Variants in TGFBR3 observed in about 807,000 individuals in gnomAD.
TGFBR3 encodes transforming growth factor beta receptor type 3.
Under a neutral mutation model 87.9 loss-of-function variants are expected in TGFBR3, and 46 were observed. The ratio of observed to expected loss-of-function variants is 0.52; its 90% CI spans 0.41 to 0.67. The LOEUF (loss-of-function observed/expected upper bound fraction) is 0.67. Among genes scored for constraint, TGFBR3 ranks in the 30% least tolerant of loss-of-function variants. The pLI is 0.00. For missense variants in TGFBR3, 866 were observed against 1,041.9 expected (o/e 0.83, Z 2.32); for synonymous variants, 381 against 391.6 (o/e 0.97, Z 0.32).
intron 3 of TGFBR3, among the ~76,000 whole-genome samples, chr1:91,785,860 G>A (rs558597492): frequency 2.7e-4 from 41 of 151,318 alleles, no homozygotes; most frequent in Admixed American, 7.9e-4. Context: ...CTCAACCTTC[G>A]GGCTCAAGTG....
At chr1:91,708,543 A>G in intron 14 of TGFBR3, 120 bp downstream of exon 14, 4 of 1,520,636 alleles carry the variant, frequency 2.6e-6, no homozygotes, top group Non-Finnish European at 3.6e-6. Context: ...GGTCTTCTAA[A>G]GTAACTAACT....
At chr1:91,686,993 A>G (rs947967618) in intron 16 of TGFBR3, among the ~76,000 whole-genome samples, 1 of 152,160 alleles carries the variant, frequency 6.6e-6, no homozygotes, top group Non-Finnish European at 1.5e-5. Context: ...ATCAAACCAC[A>G]TTGAGGGAAC....
At chr1:91,898,852 G>A (rs1679616424) in intron 2 of TGFBR3, among the ~76,000 whole-genome samples, 1 of 152,172 alleles carries the variant, frequency 6.6e-6, no homozygotes, top group Middle Eastern at 3.2e-3. Flanking sequence ...ACCCATCTGT[G>A]TTGTGTATAT....
intron 3 of TGFBR3, among the ~76,000 whole-genome samples, chr1:91,767,948 C>T (rs1336594463): frequency 6.6e-6 from 1 of 151,646 alleles, no homozygotes; most frequent in Non-Finnish European, 1.5e-5. Flanking sequence ...TGCAGTGACT[C>T]ATGCCTGTAA....
chr1:91,797,953 C>T (rs2101006817), intron 2 of TGFBR3, among the ~76,000 whole-genome samples: 1 of 152,156 alleles, frequency 6.6e-6, no homozygotes, highest in East Asian at 1.9e-4. Context: ...CAAGATGTAA[C>T]ATGTAGAGGC....
intron 4 of TGFBR3, among the ~76,000 whole-genome samples, chr1:91,756,255 A>G (rs1673739775): frequency 6.6e-6 from 1 of 152,238 alleles, no homozygotes. Context: ...AGTATTGGAC[A>G]GTATAGCTCT....
chr1:91,712,641 G>A (rs904319167), intron 12 of TGFBR3, 99 bp from the exon 13 acceptor site: 16 of 1,062,274 alleles, frequency 1.5e-5, no homozygotes, highest in Middle Eastern at 2.8e-4. Context: ...CAGATGACAC[G>A]CTGCTTTATC....
intron 2 of TGFBR3, among the ~76,000 whole-genome samples, chr1:91,799,159 G>A (rs1209990380): frequency 6.6e-6 from 1 of 151,858 alleles, no homozygotes; most frequent in Non-Finnish European, 1.5e-5. Context: ...TTCAGAACCA[G>A]CCAGTCTGCA....
At chr1:91,829,196 T>C (rs1676760143) in intron 2 of TGFBR3, among the ~76,000 whole-genome samples, 1 of 151,874 alleles carries the variant, frequency 6.6e-6, no homozygotes, top group Non-Finnish European at 1.5e-5. Flanking sequence ...GAGAGCATGG[T>C]GAAACCCCGT....
At chr1:91,736,019 T>C (rs1390729536) in intron 4 of TGFBR3, among the ~76,000 whole-genome samples, 1 of 152,186 alleles carries the variant, frequency 6.6e-6, no homozygotes, top group East Asian at 1.9e-4. Flanking sequence ...AGTGGTTCTA[T>C]CACAGCAGCA....
intron 2 of TGFBR3, among the ~76,000 whole-genome samples, chr1:91,830,966 A>T (rs550627291): frequency 6.6e-6 from 1 of 152,232 alleles, no homozygotes; most frequent in African/African-American, 2.4e-5. Context: ...CCTCCCACCC[A>T]GTACACACAG....
At chr1:91,781,149 C>A (rs1674753738) in intron 3 of TGFBR3, among the ~76,000 whole-genome samples, 3 of 152,078 alleles carry the variant, frequency 2.0e-5, no homozygotes, top group Admixed American at 1.3e-4. Context: ...TTTATTTGGA[C>A]CCAAGAAGAC....
chr1:91,806,287 A>T (rs1220628755), intron 2 of TGFBR3, among the ~76,000 whole-genome samples: 1 of 152,180 alleles, frequency 6.6e-6, no homozygotes, highest in Non-Finnish European at 1.5e-5. Context: ...CTTTAGCTGC[A>T]ACACAGCATT....
At chr1:91,870,680 T>C (rs139309457) in intron 1 of TGFBR3, among the ~76,000 whole-genome samples, 1 of 152,236 alleles carries the variant, frequency 6.6e-6, no homozygotes, top group Non-Finnish European at 1.5e-5. Context: ...CTCCATTTTG[T>C]AGTGAGAAAG....
At chr1:91,808,342 G>A (rs572787854) in intron 2 of TGFBR3, among the ~76,000 whole-genome samples, 1 of 152,298 alleles carries the variant, frequency 6.6e-6, no homozygotes, top group African/African-American at 2.4e-5. Flanking sequence ...CATTCTGGAA[G>A]TACAACTCCC....
At chr1:91,735,579 C>T (rs570562024) in intron 4 of TGFBR3, among the ~76,000 whole-genome samples, 1 of 152,314 alleles carries the variant, frequency 6.6e-6, no homozygotes, top group Non-Finnish European at 1.5e-5. Flanking sequence ...TTGTGTAAGA[C>T]CCCCAAATTC....
chr1:91,784,006 G>A lies in TGFBR3; in HGVS notation c.246+13281C>T, dbSNP rs1014057696. On this transcript the variant is annotated intron_variant, in intron 3 of 16. Transcript: ENST00000212355. ...ATGAGCAACCCAAGGGAGCTGCATA[G>A]AGTTGAAAACCATTTATAGCTTTTT... Among the ~76,000 whole-genome samples, 3 of 152,116 alleles carry A rather than the reference G, an allele frequency of 2.0e-5. No homozygotes were observed. In the East Asian group the frequency reaches 5.8e-4, roughly 29 times the overall value.
chr1:91,767,564 T>C lies in TGFBR3; in HGVS notation c.247-8814A>G, dbSNP rs1263381580. Reference sequence around the variant, plus strand: ...AAAAGGAAGTGCTCTGCGTAATATCTAATTACTCCCATCTTAAAGGTAAAG... The same window carrying C: ...AAAAGGAAGTGCTCTGCGTAATATCCAATTACTCCCATCTTAAAGGTAAAG... On this transcript the variant is annotated intron_variant, in intron 3 of 16. Transcript: ENST00000212355. 6.0e-5 allele frequency among the ~76,000 whole-genome samples: 8 copies of C among 133,292 alleles called. 2 individuals carry two copies. The allele number at this position is 133,292 out of a possible 152,430, so 87.4% of individuals were successfully genotyped here. A position where few individuals can be genotyped will look rare whatever the true frequency, so the allele number is the denominator to read the frequency against.
intron 9 of TGFBR3, among the ~76,000 whole-genome samples, 164 bp from the exon 10 acceptor site, chr1:91,719,628 T>C (rs2279455): frequency 0.6 from 90,716 of 151,864 alleles, 27,304 homozygotes; most frequent in South Asian, 0.7. Flanking sequence ...TCTCAACAGC[T>C]CAAGGGTAGT....
Sources: gnomAD v4.1 joint callset for allele counts (sites outside exome capture counted in the v4.1 genomes callset) on GRCh38, gnomAD v4.1.1 for gene constraint, MANE v1.5 for transcripts, NCBI Gene and HGNC (gene_info 2026-07-23, HGNC 2026-07-21) for gene names.